The following TMEM178B variants were observed in gnomAD, a reference collection of about 807,000 sequenced individuals.
TMEM178B encodes transmembrane protein 178B.
Under a neutral mutation model 31.0 loss-of-function variants are expected in TMEM178B, and 5 were observed. That is an observed-to-expected ratio of 0.16 (90% CI 0.08 to 0.34). TMEM178B has a LOEUF of 0.34. TMEM178B is among the 10% of genes least tolerant of loss of function. The pLI is 1.00. For synonymous variants in TMEM178B, 164 were observed against 164.0 expected, an observed-to-expected ratio of 1.00 and a Z score of 0.00; for missense variants, 275 against 400.3, an observed-to-expected ratio of 0.69 and a Z score of 2.67.
intron 2 of TMEM178B, among the ~76,000 whole-genome samples, chr7:141,391,718 C>G (rs574441127): frequency 1.7e-4 from 26 of 152,138 alleles, no homozygotes; most frequent in African/African-American, 6.3e-4. Flanking sequence ...CTGGTAACCC[C>G]CACTCTACTT....
rs142905345 is a variant in TMEM178B, at chr7:141,451,728, T to A, written c.634+13983T>A. ...AGAGAAATAGGAAAATGAGTCTCTT[T>A]AGCTGGATATATGAACATTTTTATG... On this transcript the variant is annotated intron_variant, in intron 3 of 3. Coordinates refer to ENST00000565468, the MANE Select transcript of TMEM178B (RefSeq NM_001195278.2). 3.6e-3 allele frequency among the ~76,000 whole-genome samples: 542 copies of A among 152,316 alleles called. 5 individuals are homozygous for A. Among genetic ancestry groups the A allele is most frequent in the African/African-American group, 0.013 (524 of 41,570 alleles).
At chr7:141,482,554 C>A (rs1381291300), downstream of TMEM178B, among the ~76,000 whole-genome samples, 1 of 152,196 alleles carries the variant, frequency 6.6e-6, no homozygotes, top group Non-Finnish European at 1.5e-5. Flanking sequence ...AGCCTTCCCC[C>A]ATCCACCTCC....
At chr7:141,215,794 CTTTCTTT>C (rs1797126043) in intron 2 of TMEM178B, among the ~76,000 whole-genome samples, 1 of 79,032 alleles carries the variant, frequency 1.3e-5, no homozygotes, top group Admixed American at 1.6e-4. Context: ...TTCTTTCTTT[CTTTCTTT>C]CTTTCTTTCT....
chr7:141,146,380 G>T (rs868715894), intron 1 of TMEM178B, among the ~76,000 whole-genome samples: 1 of 152,164 alleles, frequency 6.6e-6, no homozygotes, highest in African/African-American at 2.4e-5. Flanking sequence ...TTACTCTTGG[G>T]CAGGGTCTTG....
At chr7:141,504,820 A>G in the TMEM178B span, among the ~76,000 whole-genome samples, 1 of 152,242 alleles carries the variant, frequency 6.6e-6, no homozygotes, top group Non-Finnish European at 1.5e-5. Context: ...CCAACAAAAC[A>G]ATCTTTCTTA....
intron 2 of TMEM178B, among the ~76,000 whole-genome samples, chr7:141,345,608 A>T (rs1210517020): frequency 1.3e-5 from 2 of 152,186 alleles, no homozygotes; most frequent in Middle Eastern, 3.2e-3. Flanking sequence ...CATTCTCTTT[A>T]CCCTGCAATG....
In TMEM178B at chr7:141,158,888, CAG is replaced by C. The variant is rs749727923; in HGVS notation, c.383-53702_383-53701del. On this transcript the variant is annotated intron_variant, in intron 1 of 3. Coordinates refer to ENST00000565468, the MANE Select transcript of TMEM178B (RefSeq NM_001195278.2). Reference sequence around the variant, plus strand: ...CACTTTCTGTTCTTGAGGAGGCAGACAGGGAGCCTGAGAGAATGAAGGTTAAA... The same window carrying C: ...CACTTTCTGTTCTTGAGGAGGCAGACGGAGCCTGAGAGAATGAAGGTTAAA... 1.7e-3 allele frequency among the ~76,000 whole-genome samples: 255 copies of C among 152,112 alleles called. 4 individuals are homozygous for C. The highest frequency in any genetic ancestry group is 0.01 in the Middle Eastern group (3 of 294).
intron 3 of TMEM178B, among the ~76,000 whole-genome samples, chr7:141,443,520 T>C (rs1006101320): frequency 1.6e-4 from 25 of 152,238 alleles, no homozygotes; most frequent in African/African-American, 4.6e-4. Flanking sequence ...CTGATGTTTT[T>C]CTCACGATTA....
At chr7:141,435,122 A>G (rs1801510011) in intron 2 of TMEM178B, among the ~76,000 whole-genome samples, 1 of 150,974 alleles carries the variant, frequency 6.6e-6, no homozygotes, top group Non-Finnish European at 1.5e-5. Context: ...AGCAACATAC[A>G]CTGGGGGAAG....
At chr7:141,244,485 A>C (rs1410524430) in intron 2 of TMEM178B, among the ~76,000 whole-genome samples, 1 of 152,246 alleles carries the variant, frequency 6.6e-6, no homozygotes, top group Non-Finnish European at 1.5e-5. Flanking sequence ...GAAAGGCTAT[A>C]GGACACAAAA....
intron 1 of TMEM178B, among the ~76,000 whole-genome samples, chr7:141,109,868 G>T (rs1333189825): frequency 6.6e-6 from 1 of 152,044 alleles, no homozygotes; most frequent in Non-Finnish European, 1.5e-5. Flanking sequence ...TTGAGTCAAG[G>T]AGTTCAAGGC....
intron 2 of TMEM178B, among the ~76,000 whole-genome samples, chr7:141,215,928 CAG>C (rs1283929554): frequency 8.5e-6 from 1 of 118,290 alleles, no homozygotes; most frequent in Non-Finnish European, 1.7e-5. Context: ...TTTTTTTTGA[CAG>C]AGTCTTGTTC....
rs1798337162 is a variant in TMEM178B at position 141,280,410 on chromosome 7, C to T, written c.496+67706C>T. Among the ~76,000 whole-genome samples the T allele has an allele frequency of 1.3e-5, 2 of 152,092 alleles. 1 individual carries two copies. The highest frequency in any genetic ancestry group is 4.2e-4 in the South Asian group (2 of 4,806). The stretch of plus-strand genomic sequence containing the variant: ...ACAGAATCATGGGGGTGGTTTCCCC[C>T]ATACTGTTCTCGTGGTAGTGTATAA... On this transcript the variant is annotated intron_variant, in intron 2 of 3. Coordinates refer to ENST00000565468, the MANE Select transcript of TMEM178B (RefSeq NM_001195278.2).
At chr7:141,161,572 G>A (rs920081929) in intron 1 of TMEM178B, among the ~76,000 whole-genome samples, 3 of 152,164 alleles carry the variant, frequency 2.0e-5, no homozygotes, top group African/African-American at 4.8e-5. Context: ...GTGACCATGC[G>A]CAGGAAGGCC....
chr7:141,275,522 C>G (rs1798251816), intron 2 of TMEM178B, among the ~76,000 whole-genome samples: 1 of 152,080 alleles, frequency 6.6e-6, no homozygotes, highest in Non-Finnish European at 1.5e-5. Context: ...TCCTTTGAAC[C>G]CTGTAGGGGA....
At chr7:141,284,579 C>G (rs1164409233) in intron 2 of TMEM178B, among the ~76,000 whole-genome samples, 1 of 152,186 alleles carries the variant, frequency 6.6e-6, no homozygotes, top group Non-Finnish European at 1.5e-5. Flanking sequence ...AGCTGCCCTT[C>G]TCTAGACCTT....
At chr7:141,272,752 G>T (rs1302673190) in intron 2 of TMEM178B, among the ~76,000 whole-genome samples, 3 of 152,190 alleles carry the variant, frequency 2.0e-5, no homozygotes, top group Non-Finnish European at 4.4e-5. Flanking sequence ...TTTTAAACAT[G>T]ACTTGCGGAC....
intron 2 of TMEM178B, among the ~76,000 whole-genome samples, chr7:141,425,110 A>G (rs993691107): frequency 1.3e-5 from 2 of 152,244 alleles, no homozygotes; most frequent in Non-Finnish European, 2.9e-5. Flanking sequence ...GACATGTGCT[A>G]TGCAAATTGC....
chr7:141,498,787 A>G, the TMEM178B span, among the ~76,000 whole-genome samples: 2 of 152,206 alleles, frequency 1.3e-5, no homozygotes, highest in Non-Finnish European at 2.9e-5. Flanking sequence ...GCCAACCTCA[A>G]AAAGTTTATT....
Sources: gnomAD v4.1 joint callset for allele counts (sites outside exome capture counted in the v4.1 genomes callset) on GRCh38, gnomAD v4.1.1 for gene constraint, MANE v1.5 for transcripts, NCBI Gene and HGNC (gene_info 2026-07-23, HGNC 2026-07-21) for gene names.